FGF14: variants seen among roughly 807,000 people sequenced by gnomAD.
FGF14 encodes the protein fibroblast growth factor 14, also known as fibroblast growth factor homologous factor 4.
In FGF14, 5 loss-of-function variants were observed where a neutral mutation model predicts 25.5. The observed-to-expected ratio is 0.20, with a 90% CI of 0.10 to 0.41. The LOEUF is 0.41. FGF14 is among the 10% of genes least tolerant of loss of function. The pLI, the probability that FGF14 is intolerant of heterozygous loss-of-function variation, is 1.00. For missense variants in FGF14, 222 were observed against 320.1 expected (o/e 0.69, Z 2.34); for synonymous variants, 138 against 118.3 (o/e 1.17, Z -1.08).
intron 1 of FGF14, among the ~76,000 whole-genome samples, chr13:102,068,834 A>G (rs540684510): frequency 1.3e-5 from 2 of 152,222 alleles, no homozygotes; most frequent in South Asian, 2.1e-4. Flanking sequence ...CAGTCCCATC[A>G]ACCACCCAAG....
In FGF14 at chr13:102,089,285, T is replaced by C. The variant is rs145517598; in HGVS notation, c.209-213989A>G. On this transcript the variant is annotated intron_variant, in intron 1 of 4. Coordinates refer to the FGF14 transcript ENST00000376131. Reference sequence around the variant, plus strand: ...TTGTTTAGCTCCTATGTAAAAAGGGTAGAAAATGTCTAGAAATGTATTACA... The same window carrying C: ...TTGTTTAGCTCCTATGTAAAAAGGGCAGAAAATGTCTAGAAATGTATTACA... Among the ~76,000 whole-genome samples the C allele has an allele frequency of 2.1e-3, 320 of 152,178 alleles. 3 individuals carry two copies. The highest frequency in any genetic ancestry group is 7.4e-3 in the African/African-American group (306 of 41,540).
intron 3 of FGF14, among the ~76,000 whole-genome samples, chr13:101,769,855 T>C (rs558783952): frequency 6.6e-6 from 1 of 152,230 alleles, no homozygotes; most frequent in South Asian, 2.1e-4. Context: ...GCAGTGAAAA[T>C]ACTCTGTATG....
intron 1 of FGF14, among the ~76,000 whole-genome samples, chr13:102,124,020 C>T (rs549021408): frequency 4.7e-4 from 72 of 152,116 alleles, no homozygotes; most frequent in African/African-American, 1.6e-3. Context: ...CCTTACTCTC[C>T]AACATCCAGA....
At chr13:102,054,527 T>C (rs936037110) in intron 1 of FGF14, among the ~76,000 whole-genome samples, 6 of 152,182 alleles carry the variant, frequency 3.9e-5, no homozygotes, top group African/African-American at 1.4e-4. Flanking sequence ...CTCTTCTCAG[T>C]CTGTTCCCCA....
intron 1 of FGF14, among the ~76,000 whole-genome samples, chr13:102,235,488 A>C (rs2051286774): frequency 6.6e-6 from 1 of 152,174 alleles, no homozygotes; most frequent in Non-Finnish European, 1.5e-5. Context: ...CACCACCTAC[A>C]TCTCATGTAA....
chr13:102,058,438 AT>A lies in FGF14; in HGVS notation c.209-183143del, dbSNP rs201492960. On this transcript the variant is annotated intron_variant, in intron 1 of 4. Transcript: ENST00000376131. ...TCTTCTTCCCTCTTGAGGAAAAGTAATTTCTTAACTTTCATCAAGGGGTTTT... is the reference window on the plus strand; with the variant it reads ...TCTTCTTCCCTCTTGAGGAAAAGTAATTCTTAACTTTCATCAAGGGGTTTT... 6.8e-3 allele frequency among the ~76,000 whole-genome samples: 1,033 copies of A among 152,264 alleles called. 4 individuals carry two copies. Among genetic ancestry groups the A allele is most frequent in the African/African-American group, 0.021 (884 of 41,550 alleles).
chr13:101,859,530 T>C (rs1378039890), intron 3 of FGF14, among the ~76,000 whole-genome samples: 3 of 152,144 alleles, frequency 2.0e-5, no homozygotes, highest in East Asian at 3.9e-4. Context: ...AATAAATGAA[T>C]TCATTAATAT....
intron 1 of FGF14, among the ~76,000 whole-genome samples, chr13:102,291,982 T>G (rs2054428065): frequency 6.6e-6 from 1 of 152,112 alleles, no homozygotes. Flanking sequence ...GTCGCTGCAG[T>G]GAGTCAGCAC....
At chr13:102,119,667 G>A (rs571509352) in intron 1 of FGF14, among the ~76,000 whole-genome samples, 5 of 152,064 alleles carry the variant, frequency 3.3e-5, no homozygotes, top group Middle Eastern at 3.4e-3. Context: ...CTATATTCAC[G>A]CACACATAAA....
intron 1 of FGF14, among the ~76,000 whole-genome samples, chr13:101,933,734 C>T (rs527917766): frequency 6.6e-6 from 1 of 152,070 alleles, no homozygotes; most frequent in Non-Finnish European, 1.5e-5. Context: ...AAAAAACAAA[C>T]AAACAAACAA....
At position 101,722,912 on chromosome 13, in the gene FGF14, A is replaced by G; in HGVS notation, c.663T>C (p.Pro221=). The G allele has an allele frequency of 6.2e-7, 1 of 1,613,164 alleles. No individual in the cohort carries two copies. The change falls in exon 5 of 5, where the codon CCT becomes CCC. Residue 221 remains proline (P), a synonymous_variant. Transcript: ENST00000376143. ...TTGTGCTTTTACTTGGCGTCACCCC[A>G]GGCTTCGGGACCGTTTCCCCAACAT... ...LHDVGETVPK[P]GVTPSKSTSA...
At chr13:101,764,891 A>C (rs1292437398) in intron 3 of FGF14, among the ~76,000 whole-genome samples, 1 of 152,274 alleles carries the variant, frequency 6.6e-6, no homozygotes, top group Non-Finnish European at 1.5e-5. Flanking sequence ...GATGAGAATT[A>C]GCATTTTAAT....
upstream of FGF14, among the ~76,000 whole-genome samples, chr13:102,401,932 G>T (rs749536035): frequency 6.6e-6 from 1 of 151,622 alleles, no homozygotes; most frequent in Non-Finnish European, 1.5e-5. Context: ...GATCCCCAAA[G>T]AGAAAACCAT....
At chr13:101,807,203 T>C (rs1402597305) in intron 3 of FGF14, among the ~76,000 whole-genome samples, 2 of 152,146 alleles carry the variant, frequency 1.3e-5, no homozygotes, top group Admixed American at 6.5e-5. Context: ...TATATTTTTT[T>C]ATCTATCAGT....
chr13:101,801,275 G>A lies in FGF14; in HGVS notation c.408+67450C>T, dbSNP rs183328994. Among the ~76,000 whole-genome samples the A allele has an allele frequency of 2.5e-4, 38 of 152,226 alleles. 1 individual carries two copies. The highest frequency in any genetic ancestry group is 1.4e-3 in the Admixed American group (22 of 15,280). On this transcript the variant is annotated intron_variant, in intron 3 of 4. Transcript: ENST00000376143. The stretch of plus-strand genomic sequence containing the variant: ...GGGTCTATAAGGAGAGCTATGCTGC[G>A]TTTGGAAAATATGATCTAAAACAAT...
At chr13:102,199,779 G>A (rs757809011) in intron 1 of FGF14, among the ~76,000 whole-genome samples, 3 of 151,948 alleles carry the variant, frequency 2.0e-5, no homozygotes, top group African/African-American at 4.8e-5. Flanking sequence ...CACATCCTTC[G>A]CATTCACAAT....
intron 3 of FGF14, among the ~76,000 whole-genome samples, chr13:101,779,412 T>C (rs572922973): frequency 6.5e-4 from 99 of 152,324 alleles, no homozygotes; most frequent in African/African-American, 2.2e-3. Context: ...GCAAACCTGA[T>C]AGTCAAAGCC....
intron 1 of FGF14, among the ~76,000 whole-genome samples, chr13:101,933,286 C>T (rs749317218): frequency 6.6e-6 from 1 of 152,166 alleles, no homozygotes; most frequent in Non-Finnish European, 1.5e-5. Context: ...CCCATTTGTT[C>T]TATGAATAAT....
intron 1 of FGF14, among the ~76,000 whole-genome samples, chr13:102,078,264 T>C (rs117284319): frequency 0.014 from 2,199 of 152,274 alleles, 26 homozygotes; most frequent in Middle Eastern, 0.024. Flanking sequence ...TCTTGAAAAT[T>C]TCAAAATATT....
Sources: allele counts gnomAD v4.1 joint callset (sites outside exome capture counted in the v4.1 genomes callset), GRCh38; gene constraint gnomAD v4.1.1; transcripts MANE v1.5; gene names NCBI Gene and HGNC (gene_info 2026-07-23, HGNC 2026-07-21).